IPO11: variants seen among roughly 807,000 people sequenced by gnomAD.
IPO11 encodes importin 11.
In IPO11, 66 loss-of-function variants were observed where a neutral mutation model predicts 143.2. That is an observed-to-expected ratio of 0.46 (90% CI 0.38 to 0.57). IPO11 has a LOEUF of 0.57. Among genes scored for constraint, IPO11 ranks in the 20% least tolerant of loss-of-function variants. IPO11 has a pLI of 0.00. For synonymous variants in IPO11, 385 were observed against 377.8 expected (o/e 1.02, Z -0.22); for missense variants, 1,026 against 1,141.0 (o/e 0.90, Z 1.45).
chr5:62,520,942 A>G (rs1420443382), intron 20 of IPO11, among the ~76,000 whole-genome samples: 2 of 152,212 alleles, frequency 1.3e-5, no homozygotes. Context: ...GTCTTCCACA[A>G]TGGTTGAACT....
intron 27 of IPO11, among the ~76,000 whole-genome samples, chr5:62,588,027 T>C (rs1464687411): frequency 6.6e-6 from 1 of 152,182 alleles, no homozygotes; most frequent in East Asian, 1.9e-4. Flanking sequence ...AGGCCTCGAA[T>C]CTGCTTTGCA....
chr5:62,626,897 T>A (rs569783028), intron 29 of IPO11, among the ~76,000 whole-genome samples: 2 of 152,186 alleles, frequency 1.3e-5, no homozygotes, highest in African/African-American at 4.8e-5. Flanking sequence ...TTTAAATGAA[T>A]GAGTCCCCCA....
chr5:62,458,133 C>T (rs1285018156), intron 5 of IPO11, among the ~76,000 whole-genome samples: 6 of 130,144 alleles, frequency 4.6e-5, no homozygotes, highest in South Asian at 2.4e-4. Flanking sequence ...GGCGACAGAG[C>T]GAGACTCTGT....
intron 1 of IPO11, among the ~76,000 whole-genome samples, chr5:62,417,773 C>A (rs1281373875): frequency 6.6e-6 from 1 of 152,192 alleles, no homozygotes; most frequent in East Asian, 1.9e-4. Flanking sequence ...CTCTTCAACG[C>A]TGACATATGT....
At chr5:62,580,761 C>T (rs2112404972) in intron 27 of IPO11, 5 of 1,551,468 alleles carry the variant, frequency 3.2e-6, no homozygotes, top group South Asian at 1.2e-5. Context: ...CCACAAATGG[C>T]AGTCCTCTGG....
chr5:62,528,041 A>G (rs1742421294), intron 21 of IPO11, among the ~76,000 whole-genome samples: 2 of 152,350 alleles, frequency 1.3e-5, no homozygotes, highest in Admixed American at 1.3e-4. Context: ...CACTTTGGAT[A>G]TGGCATTCAA....
chr5:62,598,432 C>CTTTCTT (rs1561380658), intron 28 of IPO11, among the ~76,000 whole-genome samples: 4 of 1,820 alleles, frequency 2.2e-3, no homozygotes, highest in African/African-American at 6.3e-3. Flanking sequence ...TTCTTTCTTT[C>CTTTCTT]TCTCTCTCTC....
At chr5:62,476,215 G>T (rs1381278014) in intron 8 of IPO11, among the ~76,000 whole-genome samples, 1 of 152,028 alleles carries the variant, frequency 6.6e-6, no homozygotes, top group East Asian at 1.9e-4. Context: ...AATATGAAGA[G>T]TATTATTAGA....
chr5:62,504,183 T>A (rs1027449252), intron 16 of IPO11, among the ~76,000 whole-genome samples: 2 of 152,170 alleles, frequency 1.3e-5, no homozygotes, highest in African/African-American at 4.8e-5. Context: ...ATTTAGCAAA[T>A]CTCAAAATAT....
chr5:62,605,506 A>G (rs1745675684), intron 29 of IPO11, among the ~76,000 whole-genome samples: 1 of 152,096 alleles, frequency 6.6e-6, no homozygotes, highest in African/African-American at 2.4e-5. Context: ...CATTTAATAT[A>G]TGTTTCCTTT....
Position 62,598,392 on chromosome 5 carries a change from C to T in IPO11, c.2679-3372C>T, listed in dbSNP as rs112710810. Reference sequence around the variant, plus strand: ...CATAAATTGTTTGCTTGCTTGCTTGCTTTCTTTCTTTCTTTCTTTCTTTCT... The same window carrying T: ...CATAAATTGTTTGCTTGCTTGCTTGTTTTCTTTCTTTCTTTCTTTCTTTCT... On this transcript the variant is annotated intron_variant, in intron 28 of 29. Coordinates refer to ENST00000325324, the MANE Select transcript of IPO11 (RefSeq NM_016338.5). 1.7e-3 allele frequency among the ~76,000 whole-genome samples: 13 copies of T among 7,500 alleles called. 6 individuals are homozygous for T. The highest frequency in any genetic ancestry group is 5.4e-3 in the East Asian group (2 of 372). The allele number at this position is 7,500 out of a possible 152,430, so 4.9% of individuals were successfully genotyped here.
In IPO11 at chr5:62,586,768, A is replaced by AATAT. The variant is rs56808416; in HGVS notation, c.2583-4778_2583-4775dup. On this transcript the variant is annotated intron_variant, in intron 27 of 29. Coordinates refer to ENST00000325324, the MANE Select transcript of IPO11 (RefSeq NM_016338.5). The stretch of plus-strand genomic sequence containing the variant: ...CTCAGTCTCCAAAAAAAAAAAAAAA[A>AATAT]ATATATATATATATATATATATATA... Among the ~76,000 whole-genome samples, 170 of 28,904 alleles carry AATAT rather than the reference A, an allele frequency of 5.9e-3. 1 individual carries two copies. The highest frequency in any genetic ancestry group is 0.02 in the Middle Eastern group (1 of 50). The allele number at this position is 28,904 out of a possible 152,430, so 19.0% of individuals were successfully genotyped here. A position where few individuals can be genotyped will look rare whatever the true frequency, so the allele number is the denominator to read the frequency against.
chr5:62,569,577 T>C (rs1205707304), intron 27 of IPO11, among the ~76,000 whole-genome samples: 3 of 152,188 alleles, frequency 2.0e-5, no homozygotes, highest in Non-Finnish European at 4.4e-5. Context: ...TCTGATTATA[T>C]AGTAATTTGT....
intron 7 of IPO11, among the ~76,000 whole-genome samples, chr5:62,473,393 A>G (rs1449769224): frequency 6.6e-6 from 1 of 152,142 alleles, no homozygotes; most frequent in Admixed American, 6.5e-5. Context: ...GAGGTTTACT[A>G]GTTTTTTGAT....
chr5:62,485,930 A>G (rs1746383191), intron 12 of IPO11, among the ~76,000 whole-genome samples: 1 of 150,138 alleles, frequency 6.7e-6, no homozygotes, highest in African/African-American at 2.4e-5. Flanking sequence ...ACTAAGAACT[A>G]TATTCATATT....
chr5:62,421,140 TATTA>T (rs145349671), intron 1 of IPO11, among the ~76,000 whole-genome samples: 2,567 of 152,348 alleles, frequency 0.017, 66 homozygotes, highest in African/African-American at 0.059. Context: ...TCTCTTCTGA[TATTA>T]ATTAAACATT....
chr5:62,448,746 A>G (rs1198986608), intron 3 of IPO11, among the ~76,000 whole-genome samples: 1 of 152,046 alleles, frequency 6.6e-6, no homozygotes, highest in African/African-American at 2.4e-5. Flanking sequence ...TTTTGTAGAG[A>G]TGGGATCTTG....
intron 28 of IPO11, among the ~76,000 whole-genome samples, chr5:62,593,574 C>T (rs1029159803): frequency 2.6e-5 from 4 of 152,138 alleles, no homozygotes; most frequent in African/African-American, 9.7e-5. Context: ...ATGTGCCAAG[C>T]TCAGCCATGA....
At chr5:62,536,662 A>C (rs754630589) in intron 22 of IPO11, 40 bp from the exon 23 acceptor site, 2 of 1,562,682 alleles carry the variant, frequency 1.3e-6, no homozygotes, top group South Asian at 2.4e-5. Flanking sequence ...TGAGCAGTGA[A>C]TTAATTTGGT....
Sources: allele counts gnomAD v4.1 joint callset (sites outside exome capture counted in the v4.1 genomes callset), GRCh38; gene constraint gnomAD v4.1.1; transcripts MANE v1.5; gene names NCBI Gene and HGNC (gene_info 2026-07-23, HGNC 2026-07-21).